PMS1: variants seen among roughly 807,000 people sequenced by gnomAD.
The protein encoded by PMS1 is PMS1 homolog 1, mismatch repair system component, also known as PMS1 protein homolog 1.
Under a neutral mutation model 93.1 loss-of-function variants are expected in PMS1, and 79 were observed. That is an observed-to-expected ratio of 0.85 (90% CI 0.71 to 1.02). PMS1 has a LOEUF of 1.02. Ranked by LOEUF, PMS1 falls within the 50% of genes least tolerant of loss-of-function variation. The probability of loss-of-function intolerance (pLI) is 0.00; values close to 1 mark genes in which losing one functional copy is unlikely to be tolerated. For missense variants in PMS1, 1,064 were observed against 1,085.3 expected, an observed-to-expected ratio of 0.98 and a Z score of 0.28; for synonymous variants, 335 against 363.4, an observed-to-expected ratio of 0.92 and a Z score of 0.89.
intron 2 of PMS1, among the ~76,000 whole-genome samples, chr2:189,795,448 A>G (rs1430531398): frequency 6.6e-6 from 1 of 152,164 alleles, no homozygotes; most frequent in Non-Finnish European, 1.5e-5. Context: ...TGTAATTCAG[A>G]AGAATTTTTT....
At chr2:189,816,919 G>C (rs2051355205) in intron 4 of PMS1, among the ~76,000 whole-genome samples, 1 of 151,928 alleles carries the variant, frequency 6.6e-6, no homozygotes, top group African/African-American at 2.4e-5. Context: ...CCTAACTATA[G>C]GTGATGCACT....
chr2:189,845,078 G>C (rs975453566), intron 6 of PMS1, among the ~76,000 whole-genome samples: 1 of 152,022 alleles, frequency 6.6e-6, no homozygotes, highest in Admixed American at 6.6e-5. Context: ...GGCTGGTCTC[G>C]ATCCTCTGAC....
chr2:189,861,557 C>G (rs2056003282), intron 9 of PMS1, among the ~76,000 whole-genome samples: 2 of 152,022 alleles, frequency 1.3e-5, no homozygotes, highest in South Asian at 4.2e-4. Context: ...TGAGACCAGC[C>G]TGGCCAACAT....
Position 189,791,905 on chromosome 2 carries a change from C to A in PMS1, c.96C>A (p.Ser32=). Residue 32 remains serine (S), a synonymous_variant, in exon 2 of 13, where the codon TCC becomes TCA. Coordinates refer to ENST00000441310, the MANE Select transcript of PMS1 (RefSeq NM_000534.5). ...TTGTAAAAGAGCTTATTGAAAACTC[C>A]TTGGATGCTGGTGCCACAAGCGTAG... ...VSVVKELIEN[S]LDAGATSVDV... The A allele has an allele frequency of 6.2e-7, 1 of 1,613,960 alleles. No homozygotes were observed. The highest frequency in any genetic ancestry group is 8.5e-7 in the Non-Finnish European group (1 of 1,179,860).
rs972672920 is a variant in PMS1 at position 189,809,447 on chromosome 2, C to CTTTTTTTTTTTTTTTTTTTTTT, written c.418+3699_418+3720dup. On this transcript the variant is annotated intron_variant, in intron 4 of 12. Transcript: ENST00000441310. The stretch of plus-strand genomic sequence containing the variant: ...TTGGTGCTTTTAAGGAAGCACATTT[C>CTTTTTTTTTTTTTTTTTTTTTT]TTTTTTTTTTTTTTTTTTTTTTTTT... 2.8e-4 allele frequency among the ~76,000 whole-genome samples: 18 copies of CTTTTTTTTTTTTTTTTTTTTTT among 63,456 alleles called. 2 individuals are homozygous for CTTTTTTTTTTTTTTTTTTTTTT. The highest frequency in any genetic ancestry group is 7.2e-4 in the African/African-American group (13 of 18,120). 41.6% of individuals were successfully genotyped at this position (63,456 alleles called of 152,430 possible). A position where few individuals can be genotyped will look rare whatever the true frequency, so the allele number is the denominator to read the frequency against.
chr2:189,840,112 G>C (rs1253006981), intron 5 of PMS1, among the ~76,000 whole-genome samples: 1 of 152,002 alleles, frequency 6.6e-6, no homozygotes, highest in East Asian at 1.9e-4. Flanking sequence ...TCATATACTT[G>C]TTAAAAGAAA....
rs1182739685 is a variant in PMS1, at chr2:189,854,383, A to C, written c.1111A>C (p.Asn371His). 6.2e-7 allele frequency: 1 copy of C among 1,601,450 alleles called. No homozygotes were observed. Among genetic ancestry groups the C allele is most frequent in the Non-Finnish European group, 8.5e-7 (1 of 1,172,658 alleles). The change falls in exon 9 of 13, where the codon AAT (asparagine) becomes CAT (histidine). Residue 371 changes from asparagine to histidine, a missense_variant. Asn to His is a moderately conservative substitution (Grantham distance 68, BLOSUM62 1). Coordinates refer to ENST00000441310, the MANE Select transcript of PMS1 (RefSeq NM_000534.5). ...AACAGCAGAAACAGATGTGCTTTTTAATAAAGTGGAATCATCTGGAAAGAA... is the reference window on the plus strand; with the variant it reads ...AACAGCAGAAACAGATGTGCTTTTTCATAAAGTGGAATCATCTGGAAAGAA... ...SKTAETDVLFNKVESSGKNYS... is the reference protein window; with the variant it reads ...SKTAETDVLFHKVESSGKNYS...
intron 9 of PMS1, chr2:189,857,633 C>T: frequency 2.8e-6 from 1 of 352,234 alleles, no homozygotes; most frequent in South Asian, 2.3e-5. Context: ...TTTCCCTTCC[C>T]TTCTTTCAAC....
chr2:189,833,198 G>A (rs927602529), intron 5 of PMS1, among the ~76,000 whole-genome samples: 6 of 152,128 alleles, frequency 3.9e-5, no homozygotes, highest in Non-Finnish European at 5.9e-5. Context: ...ACCTTTTCTC[G>A]TAGTTGCAGT....
At chr2:189,857,975 A>G (rs1412038992) in intron 9 of PMS1, among the ~76,000 whole-genome samples, 3 of 152,098 alleles carry the variant, frequency 2.0e-5, no homozygotes, top group Admixed American at 6.6e-5. Context: ...ATAAGATTCT[A>G]TGACAGGAAC....
intron 4 of PMS1, chr2:189,806,006 T>A (rs1330806813): frequency 9.0e-6 from 11 of 1,228,236 alleles, no homozygotes; most frequent in Non-Finnish European, 1.2e-5. Context: ...CTGTAAAAAC[T>A]AAGAGTATTT....
At position 189,860,073 on chromosome 2, in the gene PMS1, GTTTT is replaced by G. The variant is rs5743158; in HGVS notation, c.1857-3666_1857-3663del. On this transcript the variant is annotated intron_variant, in intron 9 of 12. Transcript: ENST00000441310. ...TTGTGGCCCCACACTTTCTTAAATG[GTTTT>G]TTTAACTGGGTAAAATTTACCTAAT... 4.9e-3 allele frequency among the ~76,000 whole-genome samples: 742 copies of G among 152,114 alleles called. 16 individuals are homozygous for G. The highest frequency in any genetic ancestry group is 0.039 in the East Asian group (200 of 5,174).
At chr2:189,844,157 C>G in intron 6 of PMS1, 77 bp downstream of exon 6, 2 of 1,602,858 alleles carry the variant, frequency 1.2e-6, no homozygotes. Context: ...GGGGGAGTTA[C>G]AGTGGCAAGA....
At chr2:189,808,756 G>A (rs1248903662) in intron 4 of PMS1, among the ~76,000 whole-genome samples, 2 of 152,134 alleles carry the variant, frequency 1.3e-5, no homozygotes, top group African/African-American at 4.8e-5. Context: ...TTAACAGTAT[G>A]TCACCCTAAG....
At chr2:189,792,666 C>G (rs1469037310) in intron 2 of PMS1, among the ~76,000 whole-genome samples, 4 of 123,526 alleles carry the variant, frequency 3.2e-5, no homozygotes, top group South Asian at 2.5e-4. Context: ...ATGAGATAAA[C>G]ATGTATATAT....
At chr2:189,813,574 T>A (rs560345018) in intron 4 of PMS1, among the ~76,000 whole-genome samples, 15 of 152,334 alleles carry the variant, frequency 9.8e-5, no homozygotes, top group Admixed American at 3.3e-4. Context: ...TATTAATAAT[T>A]CATGTGTTGA....
At chr2:189,847,496 G>T (rs2054352885) in intron 6 of PMS1, among the ~76,000 whole-genome samples, 1 of 151,608 alleles carries the variant, frequency 6.6e-6, no homozygotes. Flanking sequence ...ATTTCCAAGA[G>T]TATTTTTTAT....
chr2:189,845,987 G>A (rs934494328), intron 6 of PMS1, among the ~76,000 whole-genome samples: 2 of 151,682 alleles, frequency 1.3e-5, no homozygotes, highest in African/African-American at 4.8e-5. Context: ...GCCTCCCAAA[G>A]TGCTAGGATT....
At position 189,872,414 on chromosome 2, in the gene PMS1, A is replaced by G. The variant is rs531675225; in HGVS notation, c.2474-1082A>G. On this transcript the variant is annotated intron_variant, in intron 11 of 12. Coordinates refer to ENST00000441310, the MANE Select transcript of PMS1 (RefSeq NM_000534.5). Reference sequence around the variant, plus strand: ...ATTAATCCATTGATAGCTACTACTTATCCAAGATTGGACTGTCTCTTTTCC... The same window carrying G: ...ATTAATCCATTGATAGCTACTACTTGTCCAAGATTGGACTGTCTCTTTTCC... Among the ~76,000 whole-genome samples, 6 of 152,254 alleles carry G rather than the reference A, an allele frequency of 3.9e-5. No individual in the cohort carries two copies. In the South Asian group the frequency reaches 1.0e-3, roughly 26 times the overall value.
Sources: gnomAD v4.1 joint callset for allele counts (sites outside exome capture counted in the v4.1 genomes callset) on GRCh38, gnomAD v4.1.1 for gene constraint, MANE v1.5 for transcripts, NCBI Gene and HGNC (gene_info 2026-07-23, HGNC 2026-07-21) for gene names.